Variants in ANGPT1 observed in about 807,000 individuals in gnomAD.
ANGPT1 encodes angiopoietin 1.
ANGPT1 carries 17 observed loss-of-function variants against 62.2 expected under a neutral mutation model. The observed-to-expected ratio is 0.27, with a 90% CI of 0.19 to 0.41. The LOEUF is 0.41. Ranked by LOEUF, ANGPT1 falls within the 10% of genes least tolerant of loss-of-function variation. The pLI is 1.00. For synonymous variants in ANGPT1, 199 were observed against 198.9 expected, an observed-to-expected ratio of 1.00 and a Z score of 0.00; for missense variants, 478 against 594.9, an observed-to-expected ratio of 0.80 and a Z score of 2.04.
At chr8:107,443,537 G>T (rs1050643775) in intron 1 of ANGPT1, among the ~76,000 whole-genome samples, 1 of 151,902 alleles carries the variant, frequency 6.6e-6, no homozygotes, top group East Asian at 1.9e-4. Flanking sequence ...GGCCGGGTGC[G>T]GTGGCTCACG....
At chr8:107,374,770 A>C (rs1477358907) in intron 1 of ANGPT1, among the ~76,000 whole-genome samples, 1 of 152,226 alleles carries the variant, frequency 6.6e-6, no homozygotes, top group Admixed American at 6.5e-5. Flanking sequence ...TCCCACCCTC[A>C]GTCCCCAGAA....
chr8:107,470,972 G>T (rs988937618), intron 1 of ANGPT1, among the ~76,000 whole-genome samples: 2 of 152,118 alleles, frequency 1.3e-5, no homozygotes, highest in Non-Finnish European at 2.9e-5. Context: ...TTCAACCATT[G>T]TGGAAGACAG....
intron 1 of ANGPT1, among the ~76,000 whole-genome samples, chr8:107,471,753 A>G (rs1262091848): frequency 2.0e-5 from 3 of 152,078 alleles, no homozygotes; most frequent in Admixed American, 2.0e-4. Context: ...TCAGATTTTT[A>G]ATGAGAAAAT....
chr8:107,459,102 C>T (rs1811998532), intron 1 of ANGPT1, among the ~76,000 whole-genome samples: 2 of 152,230 alleles, frequency 1.3e-5, no homozygotes, highest in East Asian at 1.9e-4. Flanking sequence ...TTGTCCTCTC[C>T]CTCAACTCCT....
intron 8 of ANGPT1, among the ~76,000 whole-genome samples, chr8:107,260,135 C>T (rs1345119406): frequency 6.6e-6 from 1 of 152,070 alleles, no homozygotes; most frequent in Non-Finnish European, 1.5e-5. Flanking sequence ...GAACAAAGAT[C>T]AAGTCCTACC....
intron 1 of ANGPT1, among the ~76,000 whole-genome samples, chr8:107,358,728 C>A (rs1407811940): frequency 6.6e-6 from 1 of 152,178 alleles, no homozygotes; most frequent in Non-Finnish European, 1.5e-5. Context: ...GCTGGGAGAA[C>A]TGGATACTTT....
chr8:107,395,646 T>C (rs957946302), intron 1 of ANGPT1, among the ~76,000 whole-genome samples: 1 of 152,192 alleles, frequency 6.6e-6, no homozygotes, highest in African/African-American at 2.4e-5. Flanking sequence ...TTGTAATATC[T>C]ACAACTAAGA....
intron 6 of ANGPT1, among the ~76,000 whole-genome samples, chr8:107,288,668 G>A (rs1317421314): frequency 6.6e-6 from 1 of 152,062 alleles, no homozygotes; most frequent in African/African-American, 2.4e-5. Flanking sequence ...TATTCCAAGT[G>A]CAAACTAAAA....
chr8:107,468,297 G>T (rs189541803), intron 1 of ANGPT1, among the ~76,000 whole-genome samples: 1 of 152,052 alleles, frequency 6.6e-6, no homozygotes, highest in Non-Finnish European at 1.5e-5. Context: ...GAGAAATGGG[G>T]TACTTTCGTT....
At chr8:107,278,459 G>A (rs1217287698) in intron 7 of ANGPT1, among the ~76,000 whole-genome samples, 3 of 152,016 alleles carry the variant, frequency 2.0e-5, no homozygotes, top group Non-Finnish European at 4.4e-5. Flanking sequence ...TTTTTGATTC[G>A]AGGATATTAT....
intron 1 of ANGPT1, among the ~76,000 whole-genome samples, chr8:107,379,846 A>G (rs1000346343): frequency 1.3e-5 from 2 of 152,182 alleles, no homozygotes; most frequent in Non-Finnish European, 2.9e-5. Flanking sequence ...AAAAGCGTGC[A>G]AATTAGATTG....
intron 1 of ANGPT1, among the ~76,000 whole-genome samples, chr8:107,411,470 A>G (rs941067043): frequency 6.6e-6 from 1 of 152,206 alleles, no homozygotes; most frequent in Non-Finnish European, 1.5e-5. Flanking sequence ...AATATGTACA[A>G]AATAAATTCA....
chr8:107,370,700 C>CAAAAAAAAAAAAAAAA (rs71308729), intron 1 of ANGPT1, among the ~76,000 whole-genome samples: 2 of 75,576 alleles, frequency 2.6e-5, no homozygotes, highest in Non-Finnish European at 4.8e-5. Flanking sequence ...AAGACTCTGT[C>CAAAAAAAAAAAAAAAA]AAAAAAAAAA....
intron 1 of ANGPT1, among the ~76,000 whole-genome samples, chr8:107,365,873 A>ACACT (rs1259247462): frequency 6.8e-6 from 1 of 147,672 alleles, no homozygotes; most frequent in Non-Finnish European, 1.5e-5. Flanking sequence ...ACACACACAC[A>ACACT]CACACACACA....
chr8:107,336,028 A>G lies in ANGPT1; in HGVS notation c.575+122T>C, dbSNP rs72672536. 4,840 of 883,490 alleles carry G rather than the reference A, an allele frequency of 5.5e-3. 19 individuals are homozygous for G. The highest frequency in any genetic ancestry group is 6.1e-3 in the Non-Finnish European group (3,960 of 653,494). The allele number at this position is 883,490 out of a possible 1,614,324, so 54.7% of individuals were successfully genotyped here. On this transcript the variant is annotated intron_variant, in intron 3 of 8. Transcript: ENST00000517746. Reference sequence around the variant, plus strand: ...TCTCCTTTATTTTTATATTAATATTAATTTGGCTCTATATTTCATTTTTGT... The same window carrying G: ...TCTCCTTTATTTTTATATTAATATTGATTTGGCTCTATATTTCATTTTTGT...
chr8:107,463,505 G>A (rs1411405829), intron 1 of ANGPT1, among the ~76,000 whole-genome samples: 9 of 152,086 alleles, frequency 5.9e-5, no homozygotes, highest in Admixed American at 5.2e-4. Flanking sequence ...ATATATTCCA[G>A]TTCATCTAGG....
At chr8:107,277,776 G>A (rs548326926) in intron 7 of ANGPT1, among the ~76,000 whole-genome samples, 3 of 152,086 alleles carry the variant, frequency 2.0e-5, no homozygotes, top group Non-Finnish European at 2.9e-5. Context: ...GATAAGCCCA[G>A]AAAGAGCTGT....
chr8:107,463,620 A>T (rs1298627542), intron 1 of ANGPT1, among the ~76,000 whole-genome samples: 1 of 152,034 alleles, frequency 6.6e-6, no homozygotes, highest in Non-Finnish European at 1.5e-5. Flanking sequence ...TTTTATTTTT[A>T]ATAGAAACCT....
At chr8:107,311,045 ATCT>A (rs1204124297) in intron 4 of ANGPT1, among the ~76,000 whole-genome samples, 3 of 151,246 alleles carry the variant, frequency 2.0e-5, no homozygotes, top group African/African-American at 4.9e-5. Flanking sequence ...GTGTGTGTTC[ATCT>A]TCTAGTATCA....
Sources: gnomAD v4.1 joint callset for allele counts (sites outside exome capture counted in the v4.1 genomes callset) on GRCh38, gnomAD v4.1.1 for gene constraint, MANE v1.5 for transcripts, NCBI Gene and HGNC (gene_info 2026-07-23, HGNC 2026-07-21) for gene names.